Variants in UBE4B observed in about 807,000 individuals in gnomAD.
UBE4B encodes the protein ubiquitination factor E4B.
Under a neutral mutation model 148.1 loss-of-function variants are expected in UBE4B, and 27 were observed. The ratio of observed to expected loss-of-function variants is 0.18; its 90% CI spans 0.13 to 0.25. The LOEUF is 0.25. Among genes scored for constraint, UBE4B ranks in the 10% least tolerant of loss-of-function variants. The probability of loss-of-function intolerance (pLI) is 1.00; values close to 1 mark genes in which losing one functional copy is unlikely to be tolerated. For synonymous variants in UBE4B, 596 were observed against 619.3 expected, an observed-to-expected ratio of 0.96 and a Z score of 0.56; for missense variants, 1,170 against 1,662.4, an observed-to-expected ratio of 0.70 and a Z score of 5.15.
At chr1:10,110,556 T>C (rs1645200944) in intron 7 of UBE4B, among the ~76,000 whole-genome samples, 1 of 151,628 alleles carries the variant, frequency 6.6e-6, no homozygotes, top group Non-Finnish European at 1.5e-5. Flanking sequence ...GAAGTTGATC[T>C]GAAAAAAAAA....
chr1:10,090,428 G>A (rs1227712286), intron 2 of UBE4B, among the ~76,000 whole-genome samples: 1 of 152,150 alleles, frequency 6.6e-6, no homozygotes, highest in African/African-American at 2.4e-5. Context: ...GCTGAGACCT[G>A]TGTTTTACTC....
Position 10,168,113 on chromosome 1 carries a change from A to C in UBE4B, c.3199-23A>C. 6.2e-7 allele frequency: 1 copy of C among 1,606,436 alleles called. No homozygotes were observed. The highest frequency in any genetic ancestry group is 8.5e-7 in the Non-Finnish European group (1 of 1,174,842). On this transcript the variant is annotated intron_variant, in intron 23 of 27. Transcript: ENST00000343090. The surrounding 1 kb of genome is among the most constrained non-coding windows in gnomAD (Gnocchi z 4.9). ...TGATGACCAGGACCGAGCCTTACTC[A>C]GCGTCTGTTCGATGTGTCCTAGGAT...
intron 17 of UBE4B, among the ~76,000 whole-genome samples, chr1:10,140,245 A>T (rs1395926111): frequency 2.6e-5 from 4 of 152,116 alleles, no homozygotes; most frequent in Non-Finnish European, 5.9e-5. Flanking sequence ...ATATTATTTA[A>T]ATTCTAGGTT....
At chr1:10,162,902 C>T (rs1296611571) in intron 23 of UBE4B, among the ~76,000 whole-genome samples, 2 of 152,264 alleles carry the variant, frequency 1.3e-5, no homozygotes, top group Non-Finnish European at 1.5e-5. Flanking sequence ...TACCCATTCT[C>T]TGAGTAAGGT....
chr1:10,131,377 C>T (rs116179719), intron 14 of UBE4B, among the ~76,000 whole-genome samples: 2,117 of 151,940 alleles, frequency 0.014, 59 homozygotes, highest in African/African-American at 0.047. Flanking sequence ...CCTAGCTACT[C>T]GGGAGGCTGA....
chr1:10,151,029 G>A (rs1209824532), intron 20 of UBE4B, among the ~76,000 whole-genome samples: 1 of 151,346 alleles, frequency 6.6e-6, no homozygotes, highest in Admixed American at 6.6e-5. Flanking sequence ...CGGGCATGGT[G>A]GCAGGTGCCT....
At chr1:10,136,897 GT>G (rs1463899727) in intron 16 of UBE4B, among the ~76,000 whole-genome samples, 169 bp from the exon 17 acceptor site, 1 of 152,156 alleles carries the variant, frequency 6.6e-6, no homozygotes, top group African/African-American at 2.4e-5. Flanking sequence ...TTCTGCCTGG[GT>G]GACGAGAGCA....
chr1:10,061,738 C>T (rs1361840899), intron 1 of UBE4B, among the ~76,000 whole-genome samples: 1 of 152,104 alleles, frequency 6.6e-6, no homozygotes, highest in Non-Finnish European at 1.5e-5. Context: ...TCAAGCCGCA[C>T]CAGCAAAGCT....
Position 10,168,421 on chromosome 1 carries a change from G to T in UBE4B, c.3333+151G>T. 7.9e-7 allele frequency: 1 copy of T among 1,268,566 alleles called. No individual in the cohort carries two copies. The allele number at this position is 1,268,566 out of a possible 1,614,324, so 78.6% of individuals were successfully genotyped here. On this transcript the variant is annotated intron_variant, in intron 24 of 27. Transcript: ENST00000343090. The surrounding 1 kb of genome is among the most constrained non-coding windows in gnomAD (Gnocchi z 4.9). ...TGTGACTGATTTTGTTCCCAGTTAT[G>T]CTAATTGATACCAGACTCTGTTGAT...
At position 10,118,868 on chromosome 1, in the gene UBE4B, C is replaced by CTTTTTTTTTTTTT. The variant is rs35822677; in HGVS notation, c.1339-624_1339-612dup. ...GTTTCACCATGTTGGCCAGGCTGGT[C>CTTTTTTTTTTTTT]TTTTTTTTTTTTTTTTTTTTTTTTT... On this transcript the variant is annotated intron_variant, in intron 8 of 27. Coordinates refer to ENST00000343090, the MANE Select transcript of UBE4B (RefSeq NM_001105562.3). Among the ~76,000 whole-genome samples the CTTTTTTTTTTTTT allele has an allele frequency of 8.7e-5, 2 of 23,090 alleles. 1 individual carries two copies. The highest frequency in any genetic ancestry group is 4.3e-4 in the African/African-American group (2 of 4,692). The allele number at this position is 23,090 out of a possible 152,430, so 15.1% of individuals were successfully genotyped here.
chr1:10,082,742 A>G (rs1309975722), intron 2 of UBE4B, among the ~76,000 whole-genome samples: 4 of 150,516 alleles, frequency 2.7e-5, no homozygotes, highest in African/African-American at 9.8e-5. Context: ...TGCACCTATC[A>G]ACTCATCATC....
chr1:10,105,925 G>A (rs1048879821), intron 6 of UBE4B, among the ~76,000 whole-genome samples, 181 bp downstream of exon 6: 13 of 152,070 alleles, frequency 8.5e-5, no homozygotes, highest in African/African-American at 3.1e-4. Context: ...TTATTTTTTG[G>A]CTCTCTATGG....
intron 19 of UBE4B, 74 bp from the exon 20 acceptor site, chr1:10,149,110 G>A: frequency 1.9e-6 from 2 of 1,036,588 alleles, no homozygotes; most frequent in South Asian, 3.2e-5. Flanking sequence ...TTATCCGATG[G>A]TAATGTAATA....
In UBE4B at chr1:10,095,585, A is replaced by G; in HGVS notation, c.336A>G (p.Ser112=). The change falls in exon 3 of 28, where the codon TCA becomes TCG. Residue 112 remains serine (S), a synonymous_variant. Transcript: ENST00000343090. ...AGAGCATGGATATCGATGGTGTCTCATGTGAGAAAAGGTAAAATGAAGCCA... is the reference window on the plus strand; with the variant it reads ...AGAGCATGGATATCGATGGTGTCTCGTGTGAGAAAAGGTAAAATGAAGCCA... The part of the protein sequence containing the change: ...RSQSMDIDGV[S]CEKSMSQVDV... The G allele has an allele frequency of 6.2e-7, 1 of 1,614,042 alleles. No individual in the cohort carries two copies. The highest frequency in any genetic ancestry group is 8.5e-7 in the Non-Finnish European group (1 of 1,179,992).
chr1:10,136,421 G>A (rs1423566124), intron 16 of UBE4B, among the ~76,000 whole-genome samples: 2 of 150,354 alleles, frequency 1.3e-5, no homozygotes, highest in Admixed American at 1.3e-4. Context: ...AGTGATCTGT[G>A]ATCTTACCAC....
At chr1:10,127,504 C>T (rs1374693385) in intron 11 of UBE4B, among the ~76,000 whole-genome samples, 1 of 152,164 alleles carries the variant, frequency 6.6e-6, no homozygotes, top group Non-Finnish European at 1.5e-5. Context: ...CCTTTCTGTT[C>T]TGAATTCGCT....
chr1:10,056,818 G>T (rs1002943413), intron 1 of UBE4B, among the ~76,000 whole-genome samples: 1 of 152,184 alleles, frequency 6.6e-6, no homozygotes. Flanking sequence ...TTCACTTTCA[G>T]GTGGACTGCT....
chr1:10,091,188 T>C (rs1644841794), intron 2 of UBE4B, among the ~76,000 whole-genome samples: 1 of 152,174 alleles, frequency 6.6e-6, no homozygotes, highest in Admixed American at 6.6e-5. Flanking sequence ...CAGCAGATTA[T>C]GTTCATTTTT....
rs188796835 is a variant in UBE4B, at chr1:10,168,296, T to G, written c.3333+26T>G. ...GTGAGTAGAAACCCGGGGCTCTGTT[T>G]GGTGGTTTGGACTCCACATTCAGAC... On this transcript the variant is annotated intron_variant, in intron 24 of 27. Coordinates refer to ENST00000343090, the MANE Select transcript of UBE4B (RefSeq NM_001105562.3). This position sits in a 1 kb window ranked among gnomAD's most constrained non-coding sequence, Gnocchi z 4.9. 2.1e-4 allele frequency: 337 copies of G among 1,612,274 alleles called. 2 individuals carry two copies. The East Asian group carries it at 7.1e-3, about 34-fold the overall frequency.
Sources: gnomAD v4.1 joint callset for allele counts (sites outside exome capture counted in the v4.1 genomes callset) on GRCh38, gnomAD v4.1.1 for gene constraint, Gnocchi (gnomAD v3.1) non-coding constraint, MANE v1.5 for transcripts, NCBI Gene and HGNC (gene_info 2026-07-23, HGNC 2026-07-21) for gene names.